AGBL4: variants seen among roughly 807,000 people sequenced by gnomAD.
The protein encoded by AGBL4 is cytosolic carboxypeptidase 6.
AGBL4 carries 58 observed loss-of-function variants against 66.4 expected under a neutral mutation model. The observed-to-expected ratio is 0.87, with a 90% CI of 0.71 to 1.09. AGBL4 has a LOEUF of 1.09. Ranked by LOEUF, AGBL4 falls within the 50% of genes least tolerant of loss-of-function variation. The probability of loss-of-function intolerance (pLI) is 0.00; values close to 1 mark genes in which losing one functional copy is unlikely to be tolerated. For synonymous variants in AGBL4, 234 were observed against 222.9 expected, an observed-to-expected ratio of 1.05 and a Z score of -0.44; for missense variants, 579 against 631.0, an observed-to-expected ratio of 0.92 and a Z score of 0.88.
At chr1:48,962,173 G>A (rs976544428) in intron 5 of AGBL4, among the ~76,000 whole-genome samples, 5 of 152,006 alleles carry the variant, frequency 3.3e-5, no homozygotes, top group Admixed American at 1.3e-4. Flanking sequence ...TGAATGTTAC[G>A]AAGTACTTAG....
At chr1:48,749,317 G>A (rs1407388030) in intron 6 of AGBL4, among the ~76,000 whole-genome samples, 4 of 152,138 alleles carry the variant, frequency 2.6e-5, no homozygotes, top group Admixed American at 2.0e-4. Flanking sequence ...CATAAACACC[G>A]AGGGGATGTT....
intron 9 of AGBL4, among the ~76,000 whole-genome samples, chr1:48,598,929 C>A (rs1377126192): frequency 6.6e-6 from 1 of 152,036 alleles, no homozygotes; most frequent in African/African-American, 2.4e-5. Context: ...TACAGCTGCA[C>A]AAAAATATTT....
At chr1:49,355,920 C>A (rs1227855093) in intron 3 of AGBL4, among the ~76,000 whole-genome samples, 1 of 152,088 alleles carries the variant, frequency 6.6e-6, no homozygotes, top group African/African-American at 2.4e-5. Context: ...CAGTACTGCC[C>A]AGAAAGTTCA....
At chr1:49,151,739 C>T (rs968255560) in intron 4 of AGBL4, among the ~76,000 whole-genome samples, 5 of 152,058 alleles carry the variant, frequency 3.3e-5, no homozygotes, top group East Asian at 3.9e-4. Flanking sequence ...AGAATTACAA[C>T]GTGTAGTAGC....
At chr1:49,361,453 T>G (rs1187889253) in intron 3 of AGBL4, among the ~76,000 whole-genome samples, 1 of 151,986 alleles carries the variant, frequency 6.6e-6, no homozygotes, top group South Asian at 2.1e-4. Context: ...TCCTCTGGAG[T>G]AGCTGGGACT....
intron 3 of AGBL4, among the ~76,000 whole-genome samples, chr1:49,438,606 C>A (rs1405821199): frequency 6.6e-6 from 1 of 152,154 alleles, no homozygotes; most frequent in Non-Finnish European, 1.5e-5. Context: ...ATCCCTGGTG[C>A]CCTACCAAAG....
At chr1:49,935,197 A>G (rs1414971168) in intron 1 of AGBL4, among the ~76,000 whole-genome samples, 1 of 152,196 alleles carries the variant, frequency 6.6e-6, no homozygotes, top group African/African-American at 2.4e-5. Flanking sequence ...CACATGGCTC[A>G]GAGGGTCCTA....
At chr1:49,179,665 A>C (rs1370856994) in intron 4 of AGBL4, among the ~76,000 whole-genome samples, 1 of 151,988 alleles carries the variant, frequency 6.6e-6, no homozygotes, top group Admixed American at 6.6e-5. Flanking sequence ...TCAAGACAAT[A>C]CTAGATAGAC....
At chr1:49,357,299 C>CT (rs925476646) in intron 3 of AGBL4, among the ~76,000 whole-genome samples, 4 of 152,160 alleles carry the variant, frequency 2.6e-5, no homozygotes, top group Admixed American at 1.3e-4. Flanking sequence ...TGATTGTAAG[C>CT]TATTGAGGGT....
chr1:49,968,296 A>C (rs1657748717), intron 1 of AGBL4, among the ~76,000 whole-genome samples: 1 of 152,080 alleles, frequency 6.6e-6, no homozygotes, highest in South Asian at 2.1e-4. Context: ...AAAGCATTGG[A>C]CATAAAAGTA....
At chr1:48,831,047 G>T (rs1202034953) in intron 6 of AGBL4, among the ~76,000 whole-genome samples, 2 of 152,156 alleles carry the variant, frequency 1.3e-5, no homozygotes, top group Non-Finnish European at 2.9e-5. Flanking sequence ...GCATTTTCGG[G>T]TAAGGAAATG....
intron 5 of AGBL4, among the ~76,000 whole-genome samples, chr1:48,898,283 G>C (rs1439331460): frequency 6.6e-6 from 1 of 152,100 alleles, no homozygotes; most frequent in Non-Finnish European, 1.5e-5. Context: ...TGTTTCCTTT[G>C]CTGTGCAGAA....
At chr1:49,146,449 T>C (rs1012278951) in intron 4 of AGBL4, among the ~76,000 whole-genome samples, 1 of 152,106 alleles carries the variant, frequency 6.6e-6, no homozygotes, top group African/African-American at 2.4e-5. Context: ...TATCTAGCAT[T>C]GTGGGGGATC....
chr1:48,761,451 T>C, intron 6 of AGBL4: 1 of 1,551,172 alleles, frequency 6.4e-7, no homozygotes, highest in Non-Finnish European at 8.7e-7. Context: ...TCACACTGTT[T>C]TCAAGGTCAG....
At chr1:49,572,076 C>T (rs1053285173) in intron 3 of AGBL4, among the ~76,000 whole-genome samples, 4 of 152,052 alleles carry the variant, frequency 2.6e-5, no homozygotes, top group East Asian at 1.9e-4. Context: ...CAGGGTGACA[C>T]TGGGCTTGCA....
chr1:49,827,831 G>C (rs1295749907), intron 2 of AGBL4, among the ~76,000 whole-genome samples: 1 of 152,178 alleles, frequency 6.6e-6, no homozygotes, highest in Non-Finnish European at 1.5e-5. Context: ...AGACTGGGGA[G>C]AAATAAAGTT....
At position 49,894,241 on chromosome 1, in the gene AGBL4, C is replaced by CA. The variant is rs201544150; in HGVS notation, c.35-42724dup. 6.2e-3 allele frequency among the ~76,000 whole-genome samples: 937 copies of CA among 151,756 alleles called. 4 individuals are homozygous for CA. The highest frequency in any genetic ancestry group is 0.031 in the Middle Eastern group (9 of 294). On this transcript the variant is annotated intron_variant, in intron 1 of 13. Coordinates refer to ENST00000371839, the MANE Select transcript of AGBL4 (RefSeq NM_032785.4). ...CCTTACAAATACCTAAAAAGCCTTC[C>CA]AAAAAAGGACAGATAGAATAAGCCT...
At chr1:49,468,370 C>T (rs1175435811) in intron 3 of AGBL4, among the ~76,000 whole-genome samples, 1 of 151,812 alleles carries the variant, frequency 6.6e-6, no homozygotes, top group Non-Finnish European at 1.5e-5. Context: ...TATCAGCTCC[C>T]AGATTTGTAT....
chr1:49,268,078 A>T (rs918897074), intron 3 of AGBL4: 2 of 152,166 alleles, frequency 1.3e-5, no homozygotes, highest in East Asian at 3.9e-4. Flanking sequence ...TATTTATTAA[A>T]CAGGTTCTCC....
Sources: gnomAD v4.1 joint callset for allele counts (sites outside exome capture counted in the v4.1 genomes callset) on GRCh38, gnomAD v4.1.1 for gene constraint, MANE v1.5 for transcripts, NCBI Gene and HGNC (gene_info 2026-07-23, HGNC 2026-07-21) for gene names.